The following ZNF740 variants were observed in gnomAD, a reference collection of about 807,000 sequenced individuals.
ZNF740 encodes the protein oriLyt TD-element-binding protein 7.
ZNF740 carries 14 observed loss-of-function variants against 24.8 expected under a neutral mutation model. That is an observed-to-expected ratio of 0.56 (90% CI 0.37 to 0.88). The LOEUF (loss-of-function observed/expected upper bound fraction) is 0.88. Ranked by LOEUF, ZNF740 falls within the 40% of genes least tolerant of loss-of-function variation. ZNF740 has a pLI of 0.00. For missense variants in ZNF740, 201 were observed against 247.9 expected, an observed-to-expected ratio of 0.81 and a Z score of 1.27; for synonymous variants, 69 against 84.0, an observed-to-expected ratio of 0.82 and a Z score of 0.98.
In ZNF740 at chr12:53,185,975, G is replaced by C. The variant is rs1941813963; in HGVS notation, c.271G>C (p.Gly91Arg). 14 of 1,613,752 alleles carry C rather than the reference G, an allele frequency of 8.7e-6. No individual in the cohort carries two copies. The highest frequency in any genetic ancestry group is 1.2e-5 in the Non-Finnish European group (14 of 1,179,780). Residue 91 changes from glycine to arginine, a missense_variant, in exon 5 of 7, where the codon GGT (glycine) becomes CGT (arginine). Transcript: ENST00000416904. Reference protein sequence around the residue: ...VKKVVVVEQNGSFQVKIPKNF... With the variant: ...VKKVVVVEQNRSFQVKIPKNF... ...CCAGGTGGTGGTAGTGGAACAAAAT[G>C]GTTCTTTTCAAGTAAAGATTCCCAA... is the stretch of plus-strand genomic sequence containing the variant.
At position 53,190,795 on chromosome 12, in the gene ZNF740, A is replaced by C. The variant is rs1424559786; in HGVS notation, c.*3205A>C. The C allele has an allele frequency of 6.6e-6, 1 of 152,034 alleles. No individual in the cohort carries two copies. The highest frequency in any genetic ancestry group is 1.5e-5 in the Non-Finnish European group (1 of 68,012). 9.4% of individuals were successfully genotyped at this position (152,034 alleles called of 1,614,324 possible). On this transcript the variant is annotated 3_prime_UTR_variant, in exon 7 of 7. Transcript: ENST00000416904. ...TATAAACTTGTATCTTTTTACCATT[A>C]AAGTGCAGTGTATGTTCCTTCGTGA...
chr12:53,180,804 G>C lies in ZNF740; in HGVS notation c.-341G>C. 1.6e-6 allele frequency: 2 copies of C among 1,272,358 alleles called. No homozygotes were observed. Among genetic ancestry groups the C allele is most frequent in the Non-Finnish European group, 2.0e-6 (2 of 982,242 alleles). The allele number at this position is 1,272,358 out of a possible 1,614,324, so 78.8% of individuals were successfully genotyped here. On this transcript the variant is annotated 5_prime_UTR_variant, in exon 1 of 7. Transcript: ENST00000416904. ...CTGGGGCCTGGAGGAGGCGCCGCGC[G>C]GCCAGGGAGCCAGCGGGAGGCCGCG...
Position 53,193,580 on chromosome 12 carries a change from G to T in ZNF740, c.*5990G>T. On this transcript the variant is annotated 3_prime_UTR_variant, in exon 7 of 7. Coordinates refer to ENST00000416904, the MANE Select transcript of ZNF740 (RefSeq NM_001004304.4). ...ACATACATGGGAAGCTTCAAGGGAT[G>T]AAACTGAGTGGGGAGTCGGGATGTC... The T allele has an allele frequency of 1.1e-6, 1 of 891,916 alleles. No individual in the cohort carries two copies. Among genetic ancestry groups the T allele is most frequent in the Non-Finnish European group, 1.7e-6 (1 of 590,010 alleles). The allele number at this position is 891,916 out of a possible 1,614,324, so 55.3% of individuals were successfully genotyped here. A position where few individuals can be genotyped will look rare whatever the true frequency, so the allele number is the denominator to read the frequency against.
chr12:53,186,361 C>T lies in ZNF740; in HGVS notation c.374-30C>T, dbSNP rs1051410022. 24 of 1,537,916 alleles carry T rather than the reference C, an allele frequency of 1.6e-5. No homozygotes were observed. In the Admixed American group the frequency reaches 2.9e-4, roughly 19 times the overall value. On this transcript the variant is annotated intron_variant, in intron 5 of 6. Transcript: ENST00000416904. ...GAGGTCCCTACTGTACATACCTCCC[C>T]ACATTCACTTCTCTGTCCACCTGGG...
rs1238309807 is a variant in ZNF740, at chr12:53,192,405, C to T, written c.*4815C>T. 5 of 1,614,134 alleles carry T rather than the reference C, an allele frequency of 3.1e-6. 1 individual carries two copies. In the South Asian group the frequency reaches 5.5e-5, roughly 18 times the overall value. On this transcript the variant is annotated 3_prime_UTR_variant, in exon 7 of 7. Transcript: ENST00000416904. The stretch of plus-strand genomic sequence containing the variant: ...ACCAAGAAGAAGAACAGCTGGTTGT[C>T]CAGGGTCCGCTCTTTGCACCAGCCA...
intron 1 of ZNF740, 40 bp from the exon 2 acceptor site, chr12:53,181,637 T>A (rs1344434626): frequency 2.1e-6 from 1 of 469,750 alleles, no homozygotes; most frequent in Non-Finnish European, 3.1e-6. Flanking sequence ...GGCCTGAAGA[T>A]GTTGCATTTA....
At position 53,193,799 on chromosome 12, in the gene ZNF740, G is replaced by T; in HGVS notation, c.*6209G>T. 1 of 1,614,090 alleles carries T rather than the reference G, an allele frequency of 6.2e-7. No individual in the cohort carries two copies. Among genetic ancestry groups the T allele is most frequent in the Middle Eastern group, 1.7e-4 (1 of 6,058 alleles). ...CTGCAATTACAGTCACACAGCGTGT[G>T]CAACTCCACAATCAGCTCCTCTGAG... On this transcript the variant is annotated 3_prime_UTR_variant, in exon 7 of 7. Transcript: ENST00000416904.
rs944953374 is a variant in ZNF740 at position 53,193,014 on chromosome 12, A to G, written c.*5424A>G. On this transcript the variant is annotated 3_prime_UTR_variant, in exon 7 of 7. Coordinates refer to ENST00000416904, the MANE Select transcript of ZNF740 (RefSeq NM_001004304.4). ...CATCCAATCTTTTTGAAGTATGCCAACCACACCCTCTAACCCATACACCGG... is the reference window on the plus strand; with the variant it reads ...CATCCAATCTTTTTGAAGTATGCCAGCCACACCCTCTAACCCATACACCGG... 3.6e-6 allele frequency: 5 copies of G among 1,369,910 alleles called. No homozygotes were observed. Among genetic ancestry groups the G allele is most frequent in the African/African-American group, 2.9e-5 (2 of 69,892 alleles). The allele number at this position is 1,369,910 out of a possible 1,614,324, so 84.9% of individuals were successfully genotyped here.
Position 53,193,412 on chromosome 12 carries a change from C to T in ZNF740, c.*5822C>T. Reference sequence around the variant, plus strand: ...GAAGTAGGTCAGAGGGTTTGATCACCCCTGACTTGTCTCTCCCAGGAACCT... The same window carrying T: ...GAAGTAGGTCAGAGGGTTTGATCACTCCTGACTTGTCTCTCCCAGGAACCT... On this transcript the variant is annotated 3_prime_UTR_variant, in exon 7 of 7. Coordinates refer to ENST00000416904, the MANE Select transcript of ZNF740 (RefSeq NM_001004304.4). The T allele has an allele frequency of 7.4e-7, 1 of 1,357,006 alleles. No homozygotes were observed. Among genetic ancestry groups the T allele is most frequent in the Non-Finnish European group, 9.9e-7 (1 of 1,007,504 alleles). The allele number at this position is 1,357,006 out of a possible 1,614,324, so 84.1% of individuals were successfully genotyped here.
In ZNF740 at chr12:53,193,926, A is replaced by G. The variant is rs370671020; in HGVS notation, c.*6336A>G. On this transcript the variant is annotated 3_prime_UTR_variant, in exon 7 of 7. Coordinates refer to ENST00000416904, the MANE Select transcript of ZNF740 (RefSeq NM_001004304.4). ...CCTGAGAAGAGGCAGGAATCAGGCC[A>G]TGGTTATACACATGCACACACACAT... 1,217 of 1,595,938 alleles carry G rather than the reference A, an allele frequency of 7.6e-4. 1 individual carries two copies. The highest frequency in any genetic ancestry group is 1.1e-3 in the Admixed American group (62 of 58,812).
Position 53,192,346 on chromosome 12 carries a change from T to C in ZNF740, c.*4756T>C. ...CCCACTTACTTTCTTGGGGTCTCAC[T>C]CTGAGCACGACCGTGCCTCTGGCGT... is the stretch of plus-strand genomic sequence containing the variant. On this transcript the variant is annotated 3_prime_UTR_variant, in exon 7 of 7. Coordinates refer to ENST00000416904, the MANE Select transcript of ZNF740 (RefSeq NM_001004304.4). The C allele has an allele frequency of 6.2e-7, 1 of 1,614,128 alleles. No individual in the cohort carries two copies.
At position 53,193,615 on chromosome 12, in the gene ZNF740, C is replaced by T. The variant is rs1398479339; in HGVS notation, c.*6025C>T. 3 of 1,150,850 alleles carry T rather than the reference C, an allele frequency of 2.6e-6. No homozygotes were observed. The highest frequency in any genetic ancestry group is 2.5e-5 in the East Asian group (1 of 39,476). 71.3% of individuals were successfully genotyped at this position (1,150,850 alleles called of 1,614,324 possible). A position where few individuals can be genotyped will look rare whatever the true frequency, so the allele number is the denominator to read the frequency against. ...GGGGAGTCGGGATGTCGAGGAGACT[C>T]CTGTGGGGGGGATGGAAAGCAGCGG... On this transcript the variant is annotated 3_prime_UTR_variant, in exon 7 of 7. Transcript: ENST00000416904.
In ZNF740 at chr12:53,193,681, TG is replaced by T; in HGVS notation, c.*6093del. The T allele has an allele frequency of 6.3e-7, 1 of 1,576,280 alleles. No homozygotes were observed. On this transcript the variant is annotated 3_prime_UTR_variant, in exon 7 of 7. Transcript: ENST00000416904. ...GGTTGGTTGGTTGTTGGGAGCCAGG[TG>T]GTTGAAGGGAAGAGGAGGCCCTCAC... is the stretch of plus-strand genomic sequence containing the variant.
Position 53,194,320 on chromosome 12 carries a change from C to T in ZNF740, c.*6730C>T, listed in dbSNP as rs1942081163. ...ACCCCAGGAGGGAGTGAAGAGTGTT[C>T]AAGGGTCACGGTGGAAGACAGGCTC... On this transcript the variant is annotated 3_prime_UTR_variant, in exon 7 of 7. Transcript: ENST00000416904. The T allele has an allele frequency of 6.2e-7, 1 of 1,613,840 alleles. No individual in the cohort carries two copies. Among genetic ancestry groups the T allele is most frequent in the South Asian group, 1.1e-5 (1 of 91,054 alleles).
In ZNF740 at chr12:53,194,341, G is replaced by A. The variant is rs1416397478; in HGVS notation, c.*6751G>A. On this transcript the variant is annotated 3_prime_UTR_variant, in exon 7 of 7. Transcript: ENST00000416904. ...TGTTCAAGGGTCACGGTGGAAGACA[G>A]GCTCTATGGGAAGAGAGCGAGTGGA... 1.2e-6 allele frequency: 2 copies of A among 1,613,950 alleles called. No individual in the cohort carries two copies. Among genetic ancestry groups the A allele is most frequent in the Non-Finnish European group, 1.7e-6 (2 of 1,179,950 alleles).
rs756522546 is a variant in ZNF740, at chr12:53,185,068, C to T, written c.159+28C>T. 76 of 1,611,210 alleles carry T rather than the reference C, an allele frequency of 4.7e-5. 1 individual carries two copies. The South Asian group carries it at 6.9e-4, about 15-fold the overall frequency. On this transcript the variant is annotated intron_variant, in intron 3 of 6. Coordinates refer to ENST00000416904, the MANE Select transcript of ZNF740 (RefSeq NM_001004304.4). ...ACAGCGCTTGAGTCCATTGTGGCACCTGGGGATCGGGTGGCCCAAGCTCTC... is the reference window on the plus strand; with the variant it reads ...ACAGCGCTTGAGTCCATTGTGGCACTTGGGGATCGGGTGGCCCAAGCTCTC...
rs894694849 is a variant in ZNF740 at position 53,194,930 on chromosome 12, G to C, written c.*7340G>C. On this transcript the variant is annotated 3_prime_UTR_variant, in exon 7 of 7. Coordinates refer to ENST00000416904, the MANE Select transcript of ZNF740 (RefSeq NM_001004304.4). ...CCAGATCTCACATTGTTTATGTACA[G>C]ACTGACTGGGGACAAATGCCAGCCC... 1 of 190,046 alleles carries C rather than the reference G, an allele frequency of 5.3e-6. No homozygotes were observed. The highest frequency in any genetic ancestry group is 1.1e-5 in the Non-Finnish European group (1 of 89,776). 11.8% of individuals were successfully genotyped at this position (190,046 alleles called of 1,614,324 possible).
Position 53,194,474 on chromosome 12 carries a change from T to C in ZNF740, c.*6884T>C, listed in dbSNP as rs1747534884. On this transcript the variant is annotated 3_prime_UTR_variant, in exon 7 of 7. Transcript: ENST00000416904. ...CTGCCACCTGGGGCTCCTTCCATTC[T>C]GCCCAGTCGAGGCATTTCTGGAGGG... 3 of 879,190 alleles carry C rather than the reference T, an allele frequency of 3.4e-6. No individual in the cohort carries two copies. Among genetic ancestry groups the C allele is most frequent in the Admixed American group, 4.9e-5 (2 of 41,156 alleles). The allele number at this position is 879,190 out of a possible 1,614,324, so 54.5% of individuals were successfully genotyped here.
intron 2 of ZNF740, among the ~76,000 whole-genome samples, chr12:53,184,153 G>GCGCGCGCGCGCGCA (rs1227318985): frequency 1.1e-5 from 1 of 93,774 alleles, no homozygotes; most frequent in African/African-American, 4.1e-5. Flanking sequence ...GTGTGTGTGC[G>GCGCGCGCGCGCGCA]CGCGCGCGCT....
Sources: gnomAD v4.1 joint callset for allele counts (sites outside exome capture counted in the v4.1 genomes callset) on GRCh38, gnomAD v4.1.1 for gene constraint, MANE v1.5 for transcripts, NCBI Gene and HGNC (gene_info 2026-07-23, HGNC 2026-07-21) for gene names.